CC2D2A: variants seen among roughly 807,000 people sequenced by gnomAD.
CC2D2A encodes the protein coiled-coil and C2 domain containing 2A.
A neutral mutation model predicts 212.9 loss-of-function variants in CC2D2A; 155 were observed. That is an observed-to-expected ratio of 0.73 (90% CI 0.64 to 0.83). The LOEUF is 0.83. Among genes scored for constraint, CC2D2A ranks in the 40% least tolerant of loss-of-function variants. CC2D2A has a pLI of 0.00. For missense variants in CC2D2A, 1,856 were observed against 1,956.2 expected, an observed-to-expected ratio of 0.95 and a Z score of 0.97; for synonymous variants, 667 against 686.5, an observed-to-expected ratio of 0.97 and a Z score of 0.44.
intron 13 of CC2D2A, among the ~76,000 whole-genome samples, chr4:15,532,477 C>T (rs1423292337): frequency 6.6e-6 from 1 of 152,086 alleles, no homozygotes; most frequent in Non-Finnish European, 1.5e-5. Context: ...TGTATGTGTC[C>T]GTCCCCTGAG....
In CC2D2A at chr4:15,590,531, T is replaced by C. The variant is rs1194014649; in HGVS notation, c.4314+852T>C. Among the ~76,000 whole-genome samples, 9 of 152,292 alleles carry C rather than the reference T, an allele frequency of 5.9e-5. No individual in the cohort carries two copies. The Middle Eastern group carries it at 0.01, about 173-fold the overall frequency. On this transcript the variant is annotated intron_variant, in intron 33 of 36. Coordinates refer to ENST00000424120, the MANE Select transcript of CC2D2A (RefSeq NM_001378615.1). The stretch of plus-strand genomic sequence containing the variant: ...CTCCATCTCAAAGAAAAATGAGTTA[T>C]GCGATCAGACTGCCTCAGTTTAAAC...
At chr4:15,495,161 T>C (rs576563494) in intron 4 of CC2D2A, among the ~76,000 whole-genome samples, 3 of 152,264 alleles carry the variant, frequency 2.0e-5, no homozygotes, top group East Asian at 3.9e-4. Context: ...CAGGCTGGAG[T>C]GCAGTAGCAC....
chr4:15,504,355 C>G (rs979130182), intron 6 of CC2D2A, among the ~76,000 whole-genome samples: 1 of 152,016 alleles, frequency 6.6e-6, no homozygotes, highest in Non-Finnish European at 1.5e-5. Context: ...TATTTTCTTA[C>G]TACAAAAGCC....
intron 34 of CC2D2A, among the ~76,000 whole-genome samples, chr4:15,596,785 G>T (rs148731666): frequency 5.1e-4 from 78 of 152,308 alleles, no homozygotes; most frequent in African/African-American, 1.8e-3. Context: ...ATATATACAA[G>T]ATTTTTAGTA....
intron 23 of CC2D2A, 46 bp from the exon 24 acceptor site, chr4:15,563,309 G>A: frequency 6.5e-7 from 1 of 1,527,380 alleles, no homozygotes; most frequent in Non-Finnish European, 8.8e-7. Flanking sequence ...CAATTTTGCA[G>A]ACCTTTCTTT....
At position 15,601,474 on chromosome 4, in the gene CC2D2A, T is replaced by G; in HGVS notation, c.*49T>G. The G allele has an allele frequency of 8.3e-7, 1 of 1,204,674 alleles. No individual in the cohort carries two copies. Among genetic ancestry groups the G allele is most frequent in the East Asian group, 2.6e-5 (1 of 38,068 alleles). 74.6% of individuals were successfully genotyped at this position (1,204,674 alleles called of 1,614,324 possible). A position where few individuals can be genotyped will look rare whatever the true frequency, so the allele number is the denominator to read the frequency against. On this transcript the variant is annotated 3_prime_UTR_variant, in exon 37 of 37. Coordinates refer to ENST00000424120, the MANE Select transcript of CC2D2A (RefSeq NM_001378615.1). ...TCATGTAAAAACTACACTTAGGATATGAGAAAATTTTAAATTATATGCATC... is the reference window on the plus strand; with the variant it reads ...TCATGTAAAAACTACACTTAGGATAGGAGAAAATTTTAAATTATATGCATC...
At chr4:15,523,978 G>A (rs1717352958) in intron 11 of CC2D2A, among the ~76,000 whole-genome samples, 1 of 152,132 alleles carries the variant, frequency 6.6e-6, no homozygotes. Context: ...TCCAGAAGAC[G>A]GGAAAGGAGA....
chr4:15,481,271 G>T (rs748544504), intron 4 of CC2D2A: 10 of 453,410 alleles, frequency 2.2e-5, no homozygotes, highest in South Asian at 1.1e-4. Flanking sequence ...CACTTTGGAA[G>T]GCCGAGGCGG....
At chr4:15,557,570 C>A in intron 21 of CC2D2A, 63 bp downstream of exon 21, 1 of 1,099,104 alleles carries the variant, frequency 9.1e-7, no homozygotes, top group East Asian at 2.6e-5. Flanking sequence ...GTTAGGTATA[C>A]TACTGTATAT....
Position 15,492,807 on chromosome 4 carries a change from G to A in CC2D2A, c.248-9622G>A. On this transcript the variant is annotated intron_variant, in intron 4 of 36. Coordinates refer to ENST00000424120, the MANE Select transcript of CC2D2A (RefSeq NM_001378615.1). ...CATTGTCATACCAGGAAATGAGCTT[G>A]ATAAAGTGGTCACTGAGGGCAATGC... 6.1e-6 allele frequency: 4 copies of A among 659,998 alleles called. No individual in the cohort carries two copies. In the Admixed American group the frequency reaches 7.3e-5, roughly 12 times the overall value. The allele number at this position is 659,998 out of a possible 1,614,324, so 40.9% of individuals were successfully genotyped here. A position where few individuals can be genotyped will look rare whatever the true frequency, so the allele number is the denominator to read the frequency against.
chr4:15,496,303 G>C (rs536559497), intron 4 of CC2D2A, among the ~76,000 whole-genome samples: 1 of 152,112 alleles, frequency 6.6e-6, no homozygotes, highest in Non-Finnish European at 1.5e-5. Context: ...TGAAGTCTTT[G>C]CCAGGGCCAG....
At chr4:15,575,093 C>G (rs1720345034) in intron 29 of CC2D2A, among the ~76,000 whole-genome samples, 1 of 152,166 alleles carries the variant, frequency 6.6e-6, no homozygotes, top group Non-Finnish European at 1.5e-5. Context: ...ACATACTGCC[C>G]TCATTGGATT....
chr4:15,554,460 G>C (rs1173016974), intron 19 of CC2D2A, among the ~76,000 whole-genome samples: 1 of 152,086 alleles, frequency 6.6e-6, no homozygotes, highest in Admixed American at 6.6e-5. Flanking sequence ...ATCACATGAG[G>C]TCAGGAGTTT....
At chr4:15,512,876 C>G (rs916270268) in intron 8 of CC2D2A, among the ~76,000 whole-genome samples, 1 of 150,956 alleles carries the variant, frequency 6.6e-6, no homozygotes, top group Non-Finnish European at 1.5e-5. Flanking sequence ...TACTTGAACA[C>G]GAGAGGCAGA....
chr4:15,515,772 C>A, intron 9 of CC2D2A, 96 bp from the exon 10 acceptor site: 1 of 1,247,768 alleles, frequency 8.0e-7, no homozygotes. Context: ...TTTCTAAGAA[C>A]ATAAATGAAA....
At position 15,527,659 on chromosome 4, in the gene CC2D2A, A is replaced by G. The variant is rs757154740; in HGVS notation, c.1359+3A>G. The G allele has an allele frequency of 4.4e-6, 7 of 1,592,462 alleles. No homozygotes were observed. Among genetic ancestry groups the G allele is most frequent in the Non-Finnish European group, 3.4e-6 (4 of 1,167,248 alleles). On this transcript the variant is annotated splice_donor_region_variant and intron_variant, in intron 12 of 36. Coordinates refer to ENST00000424120, the MANE Select transcript of CC2D2A (RefSeq NM_001378615.1). ...AGGCGAAATTTCTTACTGATAAGGT[A>G]CATGTGATTTCTTCCATAATGATTG...
intron 23 of CC2D2A, among the ~76,000 whole-genome samples, chr4:15,561,368 C>CA (rs1024335195): frequency 1.8e-4 from 28 of 151,614 alleles, no homozygotes; most frequent in Non-Finnish European, 8.8e-5. Context: ...GGGAAGGAGA[C>CA]AAAAAAAATG....
At chr4:15,538,217 G>T in intron 16 of CC2D2A, 80 bp downstream of exon 16, 6 of 1,388,682 alleles carry the variant, frequency 4.3e-6, no homozygotes, top group Non-Finnish European at 5.7e-6. Context: ...ACACATGCAC[G>T]ACATGGGGAG....
intron 3 of CC2D2A, chr4:15,479,302 A>T: frequency 6.5e-7 from 1 of 1,537,124 alleles, no homozygotes; most frequent in Non-Finnish European, 8.7e-7. Context: ...GGCTGGGAGC[A>T]TCCCGTGCAG....
Sources: gnomAD v4.1 joint callset for allele counts (sites outside exome capture counted in the v4.1 genomes callset) on GRCh38, gnomAD v4.1.1 for gene constraint, MANE v1.5 for transcripts, NCBI Gene and HGNC (gene_info 2026-07-23, HGNC 2026-07-21) for gene names.